PDSS2: variants seen among roughly 807,000 people sequenced by gnomAD.
PDSS2 encodes the protein decaprenyl diphosphate synthase subunit 2.
PDSS2 carries 31 observed loss-of-function variants against 44.5 expected under a neutral mutation model. The ratio of observed to expected loss-of-function variants is 0.70; its 90% CI spans 0.52 to 0.94. PDSS2 has a LOEUF of 0.94. Ranked by LOEUF, PDSS2 falls within the 40% of genes least tolerant of loss-of-function variation. The pLI is 0.00. For synonymous variants in PDSS2, 157 were observed against 180.3 expected, an observed-to-expected ratio of 0.87 and a Z score of 1.03; for missense variants, 452 against 482.2, an observed-to-expected ratio of 0.94 and a Z score of 0.59.
In PDSS2 at chr6:107,337,727, C is replaced by T. The variant is rs181890833; in HGVS notation, c.297-3395G>A. Among the ~76,000 whole-genome samples, 626 of 152,220 alleles carry T rather than the reference C, an allele frequency of 4.1e-3. 3 individuals carry two copies. The highest frequency in any genetic ancestry group is 7.7e-3 in the Non-Finnish European group (525 of 68,014). ...CTACTCTCTTTCTCCTTGTAACTCTCAAAAAGTCTTCCCCACTCTACTAGC... is the reference window on the plus strand; with the variant it reads ...CTACTCTCTTTCTCCTTGTAACTCTTAAAAAGTCTTCCCCACTCTACTAGC... On this transcript the variant is annotated intron_variant, in intron 1 of 7. Transcript: ENST00000369037.
At chr6:107,247,431 A>G (rs570103566) in intron 3 of PDSS2, among the ~76,000 whole-genome samples, 1 of 152,314 alleles carries the variant, frequency 6.6e-6, no homozygotes. Context: ...CATTGCGTAA[A>G]CCTGTCCTTA....
chr6:107,402,913 C>T (rs1320204793), intron 1 of PDSS2, among the ~76,000 whole-genome samples: 1 of 152,026 alleles, frequency 6.6e-6, no homozygotes, highest in Non-Finnish European at 1.5e-5. Context: ...AGAGACATAG[C>T]CAAACCATAT....
intron 3 of PDSS2, among the ~76,000 whole-genome samples, chr6:107,247,282 C>CT (rs1323718835): frequency 6.6e-6 from 1 of 152,222 alleles, no homozygotes; most frequent in Non-Finnish European, 1.5e-5. Flanking sequence ...AAGAGAAAGT[C>CT]TGACGCTAAA....
intron 7 of PDSS2, among the ~76,000 whole-genome samples, chr6:107,173,305 G>A (rs1166778393): frequency 6.6e-6 from 1 of 151,544 alleles, no homozygotes; most frequent in Non-Finnish European, 1.5e-5. Context: ...CAGGCGCGGT[G>A]GCTCACAGCT....
chr6:107,398,830 C>T (rs557054364), intron 1 of PDSS2, among the ~76,000 whole-genome samples: 19 of 152,322 alleles, frequency 1.2e-4, no homozygotes, highest in Admixed American at 6.5e-4. Flanking sequence ...TACTTGGAAA[C>T]TGTCCTCAGG....
At chr6:107,334,489 C>T (rs1777813320) in intron 1 of PDSS2, among the ~76,000 whole-genome samples, 157 bp from the exon 2 acceptor site, 1 of 151,774 alleles carries the variant, frequency 6.6e-6, no homozygotes, top group Non-Finnish European at 1.5e-5. Context: ...GTGAGGATGC[C>T]ATGAGTTCAG....
intron 1 of PDSS2, among the ~76,000 whole-genome samples, chr6:107,397,600 G>A (rs1391943768): frequency 6.6e-6 from 1 of 152,108 alleles, no homozygotes; most frequent in Non-Finnish European, 1.5e-5. Context: ...TGAATTAGCT[G>A]GTTTTTTGTT....
At chr6:107,210,119 G>C (rs1003653425) in intron 6 of PDSS2, among the ~76,000 whole-genome samples, 1 of 152,022 alleles carries the variant, frequency 6.6e-6, no homozygotes, top group Non-Finnish European at 1.5e-5. Flanking sequence ...TCAGTTATAG[G>C]GTGGTGCTAT....
rs1554262760 is a variant in PDSS2 at position 107,288,752 on chromosome 6, T to TG, written c.432-14526dup. On this transcript the variant is annotated intron_variant, in intron 2 of 7. Coordinates refer to ENST00000369037, the MANE Select transcript of PDSS2 (RefSeq NM_020381.4). ...CAATATGAAGATGCCGGGACGAAAT[T>TG]GTTTTTTTTTTTTTTTTTTTTTTTT... is the stretch of plus-strand genomic sequence containing the variant. Among the ~76,000 whole-genome samples the TG allele has an allele frequency of 7.1e-4, 97 of 137,354 alleles. 1 individual carries two copies. The highest frequency in any genetic ancestry group is 2.6e-3 in the African/African-American group (91 of 35,634). 90.1% of individuals were successfully genotyped at this position (137,354 alleles called of 152,430 possible).
chr6:107,215,078 A>T (rs1773366627), intron 4 of PDSS2, among the ~76,000 whole-genome samples: 1 of 152,240 alleles, frequency 6.6e-6, no homozygotes, highest in South Asian at 2.1e-4. Context: ...GGTATAAATT[A>T]TAACATACTT....
chr6:107,382,211 G>C (rs147171508), intron 1 of PDSS2, among the ~76,000 whole-genome samples: 1 of 152,086 alleles, frequency 6.6e-6, no homozygotes, highest in African/African-American at 2.4e-5. Flanking sequence ...ATAATGTCAG[G>C]TGCGGGAGGT....
intron 1 of PDSS2, among the ~76,000 whole-genome samples, chr6:107,449,776 G>T (rs565150079): frequency 2.1e-4 from 32 of 152,246 alleles, no homozygotes; most frequent in African/African-American, 7.7e-4. Context: ...TCACTGTGTT[G>T]CCCAAGCTGG....
In PDSS2 at chr6:107,414,301, A is replaced by G. The variant is rs1274285833; in HGVS notation, c.296+44689T>C. ...TATTCCTAAAATGGAGTTCAAACAC[A>G]CTCTCAGAAGGAGGTTCTTGAATAA... On this transcript the variant is annotated intron_variant, in intron 1 of 7. Transcript: ENST00000369037. Among the ~76,000 whole-genome samples the G allele has an allele frequency of 7.9e-5, 12 of 152,322 alleles. 1 individual carries two copies. Among genetic ancestry groups the G allele is most frequent in the Admixed American group, 5.2e-4 (8 of 15,298 alleles).
chr6:107,385,975 T>A (rs1011829535), intron 1 of PDSS2, among the ~76,000 whole-genome samples: 6 of 152,176 alleles, frequency 3.9e-5, no homozygotes, highest in African/African-American at 1.4e-4. Flanking sequence ...AATTAACTGT[T>A]AAGTAAACAG....
intron 1 of PDSS2, among the ~76,000 whole-genome samples, chr6:107,397,091 A>C (rs183560756): frequency 6.6e-6 from 1 of 152,206 alleles, no homozygotes. Flanking sequence ...AAAAATCTCA[A>C]GGGTGAAACT....
intron 2 of PDSS2, among the ~76,000 whole-genome samples, chr6:107,285,564 GA>G (rs1776112620): frequency 1.3e-5 from 2 of 152,174 alleles, no homozygotes; most frequent in South Asian, 4.2e-4. Flanking sequence ...AATCCAGAGA[GA>G]GATTCAAATG....
At position 107,197,500 on chromosome 6, in the gene PDSS2, A is replaced by G. The variant is rs1018176826; in HGVS notation, c.1009-3646T>C. On this transcript the variant is annotated intron_variant, in intron 6 of 7. Transcript: ENST00000369037. ...CATCTCAAAAAAAAAAAAAAAAAAAAAAGAAGTGTCAAAATAGAAGTAAGT... is the reference window on the plus strand; with the variant it reads ...CATCTCAAAAAAAAAAAAAAAAAAAGAAGAAGTGTCAAAATAGAAGTAAGT... 2.0e-5 allele frequency among the ~76,000 whole-genome samples: 3 copies of G among 151,648 alleles called. No individual in the cohort carries two copies. In the East Asian group the frequency reaches 5.8e-4, roughly 29 times the overall value.
chr6:107,405,302 C>A (rs1028339505), intron 1 of PDSS2, among the ~76,000 whole-genome samples: 1 of 151,712 alleles, frequency 6.6e-6, no homozygotes, highest in Non-Finnish European at 1.5e-5. Flanking sequence ...AACATGGAAA[C>A]GAAAGGTGAT....
chr6:107,276,172 A>T (rs191711278), intron 2 of PDSS2, among the ~76,000 whole-genome samples: 153 of 151,954 alleles, frequency 1.0e-3, no homozygotes, highest in African/African-American at 3.6e-3. Flanking sequence ...TAGAGCCAAG[A>T]ACAATGGAGA....
Sources: allele counts gnomAD v4.1 joint callset (sites outside exome capture counted in the v4.1 genomes callset), GRCh38; gene constraint gnomAD v4.1.1; transcripts MANE v1.5; gene names NCBI Gene and HGNC (gene_info 2026-07-23, HGNC 2026-07-21).